NT5C3A: variants seen among roughly 807,000 people sequenced by gnomAD.
The protein encoded by NT5C3A is 5'-nucleotidase, cytosolic IIIA.
A neutral mutation model predicts 40.0 loss-of-function variants in NT5C3A; 23 were observed. That is an observed-to-expected ratio of 0.58 (90% CI 0.41 to 0.81). The LOEUF (loss-of-function observed/expected upper bound fraction) is 0.81. NT5C3A is among the 40% of genes least tolerant of loss of function. The pLI is 0.00. For synonymous variants in NT5C3A, 130 were observed against 141.4 expected, an observed-to-expected ratio of 0.92 and a Z score of 0.57; for missense variants, 328 against 403.0, an observed-to-expected ratio of 0.81 and a Z score of 1.59.
At chr7:33,018,535 T>C (rs1281136956) in intron 6 of NT5C3A, among the ~76,000 whole-genome samples, 2 of 152,236 alleles carry the variant, frequency 1.3e-5, no homozygotes, top group Admixed American at 6.5e-5. Context: ...TTGAAAATTT[T>C]ACGAGGTAAT....
intron 1 of NT5C3A, chr7:33,035,960 G>A (rs1273271146): frequency 6.2e-7 from 1 of 1,613,270 alleles, no homozygotes; most frequent in Non-Finnish European, 8.5e-7. Context: ...GCAGACTCTT[G>A]ATTAGTCATT....
intron 1 of NT5C3A, chr7:33,038,916 C>T (rs1372019254): frequency 2.2e-6 from 1 of 456,192 alleles, no homozygotes; most frequent in Non-Finnish European, 4.4e-6. Flanking sequence ...AAATACTGCC[C>T]TTGATCTACG....
intron 1 of NT5C3A, among the ~76,000 whole-genome samples, chr7:33,031,739 A>T (rs1391848195): frequency 6.6e-6 from 1 of 152,234 alleles, no homozygotes; most frequent in East Asian, 1.9e-4. Context: ...AAAACAATTC[A>T]TATTTTAACC....
chr7:33,046,476 C>CT (rs1787161479), intron 1 of NT5C3A, among the ~76,000 whole-genome samples: 1 of 151,770 alleles, frequency 6.6e-6, no homozygotes, highest in African/African-American at 2.4e-5. Flanking sequence ...AAGGTAGAGG[C>CT]TGCAGTACAA....
chr7:33,017,652 T>C lies in NT5C3A; in HGVS notation c.531-51A>G. 2.1e-6 allele frequency: 3 copies of C among 1,433,164 alleles called. No individual in the cohort carries two copies. The East Asian group carries it at 6.8e-5, about 33-fold the overall frequency. 88.8% of individuals were successfully genotyped at this position (1,433,164 alleles called of 1,614,324 possible). A position where few individuals can be genotyped will look rare whatever the true frequency, so the allele number is the denominator to read the frequency against. ...TTATTAAAGAGCAAGATATAGTTCC[T>C]TTTTACTTAGAAGCTAAAAAAGTGA... is the stretch of plus-strand genomic sequence containing the variant. On this transcript the variant is annotated intron_variant, in intron 6 of 8. Coordinates refer to ENST00000610140, the MANE Select transcript of NT5C3A (RefSeq NM_001002010.5).
intron 2 of NT5C3A, among the ~76,000 whole-genome samples, chr7:33,025,477 C>T (rs1269717930): frequency 6.6e-6 from 1 of 151,656 alleles, no homozygotes; most frequent in South Asian, 2.1e-4. Context: ...TTTTTTTTTA[C>T]AGAATATCCA....
intron 1 of NT5C3A, among the ~76,000 whole-genome samples, chr7:33,057,264 G>C (rs1787608418): frequency 1.3e-5 from 2 of 152,116 alleles, no homozygotes; most frequent in African/African-American, 4.8e-5. Flanking sequence ...GTACACACCT[G>C]TAATCCCAGC....
At chr7:33,035,633 T>C (rs2128005394) in intron 1 of NT5C3A, among the ~76,000 whole-genome samples, 1 of 152,332 alleles carries the variant, frequency 6.6e-6, no homozygotes, top group Non-Finnish European at 1.5e-5. Context: ...CCTACAATAA[T>C]GTATTTCACA....
At chr7:33,058,603 G>C (rs1196764712) in intron 1 of NT5C3A, among the ~76,000 whole-genome samples, 1 of 152,174 alleles carries the variant, frequency 6.6e-6, no homozygotes, top group East Asian at 1.9e-4. Context: ...CACCCGCCTT[G>C]GCCTCCCAAA....
chr7:33,037,363 T>A (rs747306986), intron 1 of NT5C3A, among the ~76,000 whole-genome samples: 39 of 136,030 alleles, frequency 2.9e-4, no homozygotes, highest in South Asian at 1.1e-3. Context: ...TACTAAGCTA[T>A]GTTTGTTCCA....
chr7:33,052,697 C>A (rs1787418164), intron 1 of NT5C3A, among the ~76,000 whole-genome samples: 1 of 152,086 alleles, frequency 6.6e-6, no homozygotes, highest in East Asian at 1.9e-4. Context: ...GAGCAAGTAA[C>A]CTGGAAGTTT....
At chr7:33,053,341 C>T (rs1440848331) in intron 1 of NT5C3A, among the ~76,000 whole-genome samples, 1 of 152,114 alleles carries the variant, frequency 6.6e-6, no homozygotes, top group Non-Finnish European at 1.5e-5. Context: ...GTTTGTGCCA[C>T]CACGCCTGGC....
chr7:33,024,211 G>T, intron 2 of NT5C3A, 103 bp from the exon 3 acceptor site: 1 of 721,290 alleles, frequency 1.4e-6, no homozygotes, highest in Non-Finnish European at 2.5e-6. Context: ...AGATGCATAG[G>T]ACTGTGCTCA....
chr7:33,026,438 T>C (rs892082603), intron 2 of NT5C3A, among the ~76,000 whole-genome samples: 1 of 149,500 alleles, frequency 6.7e-6, no homozygotes, highest in Non-Finnish European at 1.5e-5. Flanking sequence ...CATTGCAAAC[T>C]CCGCCTCCCG....
At chr7:33,029,099 T>C (rs1235651228) in intron 1 of NT5C3A, 1 of 152,216 alleles carries the variant, frequency 6.6e-6, no homozygotes, top group Non-Finnish European at 1.5e-5. Context: ...AAAAGCCATA[T>C]TTAAGTAGGA....
intron 1 of NT5C3A, among the ~76,000 whole-genome samples, chr7:33,053,200 T>A (rs937478617): frequency 2.0e-5 from 3 of 152,178 alleles, no homozygotes; most frequent in Admixed American, 6.5e-5. Context: ...TTTTTGTTTT[T>A]TTTCGAGACA....
chr7:33,016,177 A>C (rs1182698002), intron 7 of NT5C3A, among the ~76,000 whole-genome samples: 1 of 151,730 alleles, frequency 6.6e-6, no homozygotes, highest in African/African-American at 2.4e-5. Flanking sequence ...GGAGTTCGAG[A>C]CCAGACTGGC....
chr7:33,017,373 A>C (rs1785390924), intron 7 of NT5C3A, 66 bp downstream of exon 7: 1 of 1,308,574 alleles, frequency 7.6e-7, no homozygotes, highest in Non-Finnish European at 1.1e-6. Context: ...AGTAACAATA[A>C]ATAAATTTAC....
intron 1 of NT5C3A, among the ~76,000 whole-genome samples, chr7:33,037,120 A>C (rs903810536): frequency 2.0e-5 from 3 of 152,152 alleles, no homozygotes; most frequent in Non-Finnish European, 4.4e-5. Context: ...TAAAATCTTT[A>C]ATTTTTTAAT....
Sources: allele counts gnomAD v4.1 joint callset (sites outside exome capture counted in the v4.1 genomes callset), GRCh38; gene constraint gnomAD v4.1.1; transcripts MANE v1.5; gene names NCBI Gene and HGNC (gene_info 2026-07-23, HGNC 2026-07-21).